The following HELLS variants were observed in gnomAD, a reference collection of about 807,000 sequenced individuals.
The protein encoded by HELLS is lymphoid-specific helicase.
Under a neutral mutation model 120.0 loss-of-function variants are expected in HELLS, and 32 were observed. The observed-to-expected ratio is 0.27, with a 90% confidence interval of 0.20 to 0.36. The LOEUF (loss-of-function observed/expected upper bound fraction) is 0.36. HELLS is among the 10% of genes least tolerant of loss of function. The pLI is 1.00. For missense variants in HELLS, 650 were observed against 993.4 expected, an observed-to-expected ratio of 0.65 and a Z score of 4.65; for synonymous variants, 341 against 323.4, an observed-to-expected ratio of 1.05 and a Z score of -0.58.
chr10:94,558,087 T>A, intron 3 of HELLS, 52 bp from the exon 4 acceptor site: 1 of 1,540,780 alleles, frequency 6.5e-7, no homozygotes, highest in Non-Finnish European at 8.7e-7. Flanking sequence ...ATGCGTTTTT[T>A]TTTTAAATGT....
At chr10:94,567,669 G>A (rs1843890400) in intron 6 of HELLS, among the ~76,000 whole-genome samples, 1 of 152,144 alleles carries the variant, frequency 6.6e-6, no homozygotes, top group Admixed American at 6.5e-5. Flanking sequence ...ACTTTGGGAG[G>A]CCAGGGTGAG....
intron 6 of HELLS, chr10:94,569,855 GTC>G (rs1844047637): frequency 1.3e-5 from 2 of 152,110 alleles, no homozygotes; most frequent in African/African-American, 2.4e-5. Context: ...GATCTAGAGT[GTC>G]TCTCATCTTT....
rs978799991 is a variant in HELLS, at chr10:94,601,859, C to A, written c.*237C>A. The A allele has an allele frequency of 3.3e-6, 1 of 302,724 alleles. No individual in the cohort carries two copies. The highest frequency in any genetic ancestry group is 2.2e-5 in the African/African-American group (1 of 45,080). The allele number at this position is 302,724 out of a possible 1,614,324, so 18.8% of individuals were successfully genotyped here. The stretch of plus-strand genomic sequence containing the variant: ...TGAGACTGAGTAGTATTCTTGGATA[C>A]AGGCTGATGTGTACTTAACCACTTC... On this transcript the variant is annotated 3_prime_UTR_variant, in exon 22 of 22. Transcript: ENST00000348459.
chr10:94,579,673 C>A (rs1207643357), intron 10 of HELLS, among the ~76,000 whole-genome samples: 12 of 151,770 alleles, frequency 7.9e-5, no homozygotes, highest in Non-Finnish European at 4.4e-5. Flanking sequence ...TCCTGAGTAG[C>A]CGGGACTACA....
At chr10:94,608,780 G>C (rs965787891) in intron 9 of HELLS, among the ~76,000 whole-genome samples, 1 of 151,986 alleles carries the variant, frequency 6.6e-6, no homozygotes, top group Non-Finnish European at 1.5e-5. Flanking sequence ...AGTACTCCTG[G>C]CTAATTTTTA....
At chr10:94,604,321 C>T (rs1846102340), downstream of HELLS, among the ~76,000 whole-genome samples, 1 of 151,966 alleles carries the variant, frequency 6.6e-6, no homozygotes, top group Admixed American at 6.6e-5. Flanking sequence ...AACGTGGTTT[C>T]ACCATGTTGG....
downstream of HELLS, among the ~76,000 whole-genome samples, chr10:94,602,288 G>A (rs756591512): frequency 3.9e-5 from 6 of 152,142 alleles, no homozygotes; most frequent in Non-Finnish European, 5.9e-5. Context: ...TTAGGGTCTT[G>A]AGAAACGACT....
chr10:94,605,417 T>G (rs1846118123), downstream of HELLS, among the ~76,000 whole-genome samples: 1 of 152,062 alleles, frequency 6.6e-6, no homozygotes, highest in South Asian at 2.1e-4. Context: ...GTTTACTCGC[T>G]CACTTTGATG....
At position 94,554,215 on chromosome 10, in the gene HELLS, T is replaced by C; in HGVS notation, c.243T>C (p.Phe81=). 6.4e-7 allele frequency: 1 copy of C among 1,573,444 alleles called. No individual in the cohort carries two copies. Among genetic ancestry groups the C allele is most frequent in the South Asian group, 1.2e-5 (1 of 82,594 alleles). The change falls in exon 3 of 22, where the codon TTT becomes TTC. Residue 81 remains phenylalanine (F), a synonymous_variant. Transcript: ENST00000348459. The stretch of plus-strand genomic sequence containing the variant: ...AAAAAAGCAATATATACTCCAAATT[T>C]TTATTGACGAAAATGGAACAGCAAC... The part of the protein sequence containing the change: ...LLEKSNIYSK[F]LLTKMEQQQL...
chr10:94,607,216 CTCT>C (rs3054950), intron 8 of HELLS, among the ~76,000 whole-genome samples: 57,713 of 151,664 alleles, frequency 0.38, 11,350 homozygotes, highest in East Asian at 0.68. Flanking sequence ...TGGTGTTTGA[CTCT>C]TCTTTCAACC....
rs58356300 is a variant in HELLS, at chr10:94,598,606, G to GT, written c.2422+1514dup. Among the ~76,000 whole-genome samples, 784 of 139,120 alleles carry GT rather than the reference G, an allele frequency of 5.6e-3. 4 individuals carry two copies. Among genetic ancestry groups the GT allele is most frequent in the African/African-American group, 0.015 (577 of 37,972 alleles). 91.3% of individuals were successfully genotyped at this position (139,120 alleles called of 152,430 possible). A position where few individuals can be genotyped will look rare whatever the true frequency, so the allele number is the denominator to read the frequency against. On this transcript the variant is annotated intron_variant, in intron 21 of 21. Transcript: ENST00000348459. ...TCAAAATAAAATATATTGGTTGGAA[G>GT]TTTTTTTTTTTTTTTTTTTAATCAG... is the stretch of plus-strand genomic sequence containing the variant.
At chr10:94,611,215 C>G (rs1004226918) in exon 10 of HELLS, 1 of 152,122 alleles carries the variant, frequency 6.6e-6, no homozygotes, top group African/African-American at 2.4e-5. Context: ...ATAAACTGTT[C>G]TGCAAGTGCG....
chr10:94,551,121 T>G (rs1842962673), intron 2 of HELLS: 1 of 152,206 alleles, frequency 6.6e-6, no homozygotes, highest in Middle Eastern at 3.2e-3. Context: ...CTAAAAGAAC[T>G]GAAAATTGAG....
At chr10:94,591,000 A>T (rs191537224) in intron 15 of HELLS, among the ~76,000 whole-genome samples, 62 of 152,130 alleles carry the variant, frequency 4.1e-4, no homozygotes, top group Non-Finnish European at 7.1e-4. Flanking sequence ...AGTTTTTTAA[A>T]TTTTTTTATT....
intron 18 of HELLS, 125 bp from the exon 19 acceptor site, chr10:94,594,570 G>A: frequency 3.3e-6 from 2 of 610,876 alleles, no homozygotes; most frequent in South Asian, 3.3e-5. Flanking sequence ...CACTCTGGAA[G>A]TTTAAATTAA....
intron 3 of HELLS, among the ~76,000 whole-genome samples, chr10:94,556,899 C>A (rs1351235899): frequency 1.3e-5 from 2 of 152,142 alleles, no homozygotes; most frequent in African/African-American, 4.8e-5. Flanking sequence ...TGACTGCCTC[C>A]CTCAATCCCA....
intron 12 of HELLS, among the ~76,000 whole-genome samples, chr10:94,586,032 A>G (rs1240523746): frequency 2.0e-5 from 3 of 152,328 alleles, no homozygotes; most frequent in South Asian, 2.1e-4. Context: ...ACATCAAACT[A>G]TAGCATTTGT....
intron 7 of HELLS, 36 bp downstream of exon 7, chr10:94,571,465 T>C: frequency 7.0e-7 from 1 of 1,424,058 alleles, no homozygotes; most frequent in Non-Finnish European, 9.7e-7. Flanking sequence ...AGTTTAGAAG[T>C]CATATTTACT....
At chr10:94,595,594 A>C (rs1235428103) in intron 19 of HELLS, among the ~76,000 whole-genome samples, 1 of 151,800 alleles carries the variant, frequency 6.6e-6, no homozygotes, top group Non-Finnish European at 1.5e-5. Context: ...TCATTTCCTT[A>C]TCATAACCAG....
Sources: allele counts gnomAD v4.1 joint callset (sites outside exome capture counted in the v4.1 genomes callset), GRCh38; gene constraint gnomAD v4.1.1; transcripts MANE v1.5; gene names NCBI Gene and HGNC (gene_info 2026-07-23, HGNC 2026-07-21).